Variants in DPY19L2 observed in about 807,000 individuals in gnomAD.
DPY19L2 encodes the protein dpy-19 like 2.
Under a neutral mutation model 97.9 loss-of-function variants are expected in DPY19L2, and 34 were observed. That is an observed-to-expected ratio of 0.35 (90% CI 0.26 to 0.46). The LOEUF (loss-of-function observed/expected upper bound fraction) is 0.46. Ranked by LOEUF, DPY19L2 falls within the 20% of genes least tolerant of loss-of-function variation. DPY19L2 has a pLI of 1.00. For missense variants in DPY19L2, 623 were observed against 911.4 expected (o/e 0.68, Z 4.07); for synonymous variants, 230 against 307.9 (o/e 0.75, Z 2.65).
chr12:63,565,821 C>T (rs1343390906), intron 21 of DPY19L2, among the ~76,000 whole-genome samples: 1 of 151,888 alleles, frequency 6.6e-6, no homozygotes, highest in African/African-American at 2.4e-5. Context: ...TGTTTGTTGC[C>T]TTTTGGGTTC....
chr12:63,591,067 CA>C (rs1294938716), intron 16 of DPY19L2: 1 of 455,768 alleles, frequency 2.2e-6, no homozygotes, highest in African/African-American at 2.0e-5. Flanking sequence ...GAACAGTGTC[CA>C]GGGTTCTCCA....
rs770016862 is a variant in DPY19L2, at chr12:63,644,440, T to C, written c.766A>G (p.Met256Val). 1.2e-6 allele frequency: 2 copies of C among 1,611,980 alleles called. No homozygotes were observed. Among genetic ancestry groups the C allele is most frequent in the South Asian group, 1.1e-5 (1 of 90,616 alleles). Residue 256 changes from methionine (M) to valine (V), a missense_variant, in exon 6 of 22, where the codon ATG becomes GTG. Physicochemically the swap from Met to Val is conservative, Grantham distance 21. This residue lies in a region of DPY19L2 where 27 missense variants were observed against 77.5 expected (regional missense o/e 0.35). Coordinates refer to ENST00000324472, the MANE Select transcript of DPY19L2 (RefSeq NM_173812.5). Reference protein sequence around the residue: ...VGVIFILNGLMMGLFFMYGAY... With the variant: ...VGVIFILNGLVMGLFFMYGAY... ...CCATACATGAAGAACAATCCCATCA[T>C]TAGTCCATTTAAAATAAAGATTACA...
intron 19 of DPY19L2, among the ~76,000 whole-genome samples, chr12:63,579,328 C>T (rs1448388000): frequency 6.6e-6 from 1 of 152,156 alleles, no homozygotes; most frequent in African/African-American, 2.4e-5. Context: ...ACAAACTATA[C>T]AACCGTATAT....
intron 19 of DPY19L2, among the ~76,000 whole-genome samples, chr12:63,572,606 A>G (rs905879800): frequency 1.3e-5 from 2 of 152,100 alleles, no homozygotes; most frequent in Non-Finnish European, 2.9e-5. Context: ...AGTAGTTACA[A>G]TGAGCTTTGG....
chr12:63,636,917 A>C (rs539951451), intron 6 of DPY19L2, among the ~76,000 whole-genome samples: 6 of 152,012 alleles, frequency 3.9e-5, no homozygotes, highest in Non-Finnish European at 7.4e-5. Flanking sequence ...ATTGAACTCA[A>C]CTCTGCACCA....
chr12:63,652,483 T>C (rs148150422), intron 4 of DPY19L2, among the ~76,000 whole-genome samples: 1 of 152,204 alleles, frequency 6.6e-6, no homozygotes, highest in African/African-American at 2.4e-5. Flanking sequence ...GTATGTTCAC[T>C]GCAGCACTAC....
At chr12:63,567,533 TTAAA>T (rs1300578862) in intron 21 of DPY19L2, among the ~76,000 whole-genome samples, 4 of 152,092 alleles carry the variant, frequency 2.6e-5, no homozygotes, top group Non-Finnish European at 5.9e-5. Context: ...CACCTTTGCC[TTAAA>T]TAATGTCTTT....
At chr12:63,652,009 TCACAGCCCA>T (rs1894309145) in intron 4 of DPY19L2, 1 of 229,490 alleles carries the variant, frequency 4.4e-6, no homozygotes. Context: ...CATCTCCTCC[TCACAGCCCA>T]CATGTCCCCT....
chr12:63,606,120 A>C (rs1056356130), intron 12 of DPY19L2, among the ~76,000 whole-genome samples: 3 of 152,224 alleles, frequency 2.0e-5, no homozygotes, highest in Middle Eastern at 3.4e-3. Flanking sequence ...TTGATTTTTT[A>C]ATATTAAACT....
At chr12:63,588,745 C>CTTTT (rs913709153) in intron 16 of DPY19L2, among the ~76,000 whole-genome samples, 49 of 129,898 alleles carry the variant, frequency 3.8e-4, no homozygotes, top group Non-Finnish European at 5.0e-4. Flanking sequence ...AGGAAACTTT[C>CTTTT]TTTTTTTTTT....
intron 4 of DPY19L2, among the ~76,000 whole-genome samples, chr12:63,658,387 C>T (rs545026092): frequency 4.6e-5 from 7 of 152,010 alleles, no homozygotes; most frequent in South Asian, 4.2e-4. Context: ...CCCAGCTATT[C>T]GGAGGCTGAG....
chr12:63,629,468 G>A (rs1283027645), intron 6 of DPY19L2, among the ~76,000 whole-genome samples: 1 of 152,142 alleles, frequency 6.6e-6, no homozygotes, highest in African/African-American at 2.4e-5. Flanking sequence ...GGGTATCAGT[G>A]ATGGATGATC....
At chr12:63,631,827 C>T (rs954291996) in intron 6 of DPY19L2, among the ~76,000 whole-genome samples, 3 of 152,094 alleles carry the variant, frequency 2.0e-5, no homozygotes, top group Non-Finnish European at 4.4e-5. Flanking sequence ...AAAATATTGG[C>T]AAACCGAATC....
At chr12:63,611,802 G>A (rs1385411262) in intron 11 of DPY19L2, among the ~76,000 whole-genome samples, 2 of 152,044 alleles carry the variant, frequency 1.3e-5, no homozygotes, top group East Asian at 3.8e-4. Flanking sequence ...AGCCCCATAT[G>A]CATGTAGTGA....
chr12:63,667,825 T>C (rs1024634234), intron 1 of DPY19L2, among the ~76,000 whole-genome samples: 1 of 152,140 alleles, frequency 6.6e-6, no homozygotes, highest in Non-Finnish European at 1.5e-5. Flanking sequence ...TTAAAACTCC[T>C]AGACCTTAAA....
chr12:63,580,813 T>G lies in DPY19L2; in HGVS notation c.1749A>C (p.Arg583Ser), dbSNP rs1181864912. Residue 583 changes from arginine (R) to serine (S), a missense_variant, in exon 19 of 22, where the codon AGA (arginine) becomes AGC (serine). Arg to Ser is a moderately radical substitution (Grantham distance 110). This residue lies in a region of DPY19L2 where 294 missense variants were observed against 446.2 expected (regional missense o/e 0.66). Transcript: ENST00000324472. Reference sequence around the variant, plus strand: ...CAAAGATAACCTTCTCAAAACGAACTCTGCGAAAAAGCCAGCCAAAGAGCT... The same window carrying G: ...CAAAGATAACCTTCTCAAAACGAACGCTGCGAAAAAGCCAGCCAAAGAGCT... ...SRQLFGWLFR[R>S]VRFEKVIFGI... 6.2e-7 allele frequency: 1 copy of G among 1,611,954 alleles called. No homozygotes were observed. Among genetic ancestry groups the G allele is most frequent in the South Asian group, 1.1e-5 (1 of 90,494 alleles).
At chr12:63,594,652 C>CTG (rs60604846) in intron 15 of DPY19L2, among the ~76,000 whole-genome samples, 3,932 of 111,890 alleles carry the variant, frequency 0.035, 127 homozygotes, top group East Asian at 0.16. Flanking sequence ...GTGTGCGTGT[C>CTG]TGTGTGTGTG....
intron 21 of DPY19L2, among the ~76,000 whole-genome samples, chr12:63,566,264 T>G (rs1877681684): frequency 6.6e-6 from 1 of 152,112 alleles, no homozygotes; most frequent in Non-Finnish European, 1.5e-5. Flanking sequence ...CATTTGGAGA[T>G]CCACATTAAG....
In DPY19L2 at chr12:63,643,654, G is replaced by A. The variant is rs577430903; in HGVS notation, c.803+749C>T. On this transcript the variant is annotated intron_variant, in intron 6 of 21. Transcript: ENST00000324472. Reference sequence around the variant, plus strand: ...GTTGGCATTGGTTCAGCAGCAGAAGGATGGTAGGCCAGATATATCTGCTAT... The same window carrying A: ...GTTGGCATTGGTTCAGCAGCAGAAGAATGGTAGGCCAGATATATCTGCTAT... 2.3e-3 allele frequency among the ~76,000 whole-genome samples: 344 copies of A among 152,280 alleles called. 3 individuals carry two copies. The highest frequency in any genetic ancestry group is 0.017 in the Middle Eastern group (5 of 294).
Sources: gnomAD v4.1 joint callset for allele counts (sites outside exome capture counted in the v4.1 genomes callset) on GRCh38, gnomAD v4.1.1 for gene constraint, gnomAD v4.1.1 regional missense constraint, MANE v1.5 for transcripts, NCBI Gene and HGNC (gene_info 2026-07-23, HGNC 2026-07-21) for gene names.